The following AFAP1L2 variants were observed in gnomAD, a reference collection of about 807,000 sequenced individuals.
The protein encoded by AFAP1L2 is actin filament-associated protein 1-like 2.
AFAP1L2 carries 46 observed loss-of-function variants against 99.3 expected under a neutral mutation model. The observed-to-expected ratio is 0.46, with a 90% CI of 0.37 to 0.59. The LOEUF (loss-of-function observed/expected upper bound fraction) is 0.59. Ranked by LOEUF, AFAP1L2 falls within the 20% of genes least tolerant of loss-of-function variation. The pLI, the probability that AFAP1L2 is intolerant of heterozygous loss-of-function variation, is 0.00. For missense variants in AFAP1L2, 959 were observed against 1,034.9 expected (o/e 0.93, Z 1.01); for synonymous variants, 397 against 419.1 (o/e 0.95, Z 0.64).
rs777379032 is a variant in AFAP1L2 at position 114,297,084 on chromosome 10, G to A, written c.2324C>T (p.Pro775Leu). 1.2e-6 allele frequency: 2 copies of A among 1,614,234 alleles called. No homozygotes were observed. Among genetic ancestry groups the A allele is most frequent in the Non-Finnish European group, 1.7e-6 (2 of 1,180,040 alleles). Residue 775 changes from proline (P) to leucine (L), a missense_variant, in exon 18 of 19, where the codon CCT becomes CTT. Coordinates refer to ENST00000304129, the MANE Select transcript of AFAP1L2 (RefSeq NM_001001936.3). ...NVSPRPKAVTPASAPDCTPVN... is the reference protein window; with the variant it reads ...NVSPRPKAVTLASAPDCTPVN... ...TGGGGTACAGTCTGGGGCAGAGGCAGGTGTGACAGCTTTGGGCTGTGGTTA... is the reference window on the plus strand; with the variant it reads ...TGGGGTACAGTCTGGGGCAGAGGCAAGTGTGACAGCTTTGGGCTGTGGTTA...
At chr10:114,282,762 G>A in the AFAP1L2 span, among the ~76,000 whole-genome samples, 1 of 152,188 alleles carries the variant, frequency 6.6e-6, no homozygotes, top group South Asian at 2.1e-4. Flanking sequence ...ATTAAGAATG[G>A]AGTGGCGGCT....
At chr10:114,388,286 A>AACAC (rs57067006) in intron 1 of AFAP1L2, among the ~76,000 whole-genome samples, 39 of 150,194 alleles carry the variant, frequency 2.6e-4, no homozygotes, top group African/African-American at 7.1e-4. Flanking sequence ...AGCCCTCATG[A>AACAC]ACACACACAC....
chr10:114,386,867 G>C (rs566558779), intron 1 of AFAP1L2, among the ~76,000 whole-genome samples: 7 of 152,202 alleles, frequency 4.6e-5, no homozygotes, highest in Non-Finnish European at 8.8e-5. Context: ...TCCATGCTTC[G>C]CAAAATGAGG....
At chr10:114,379,192 GAC>G (rs2137313920) in intron 1 of AFAP1L2, among the ~76,000 whole-genome samples, 1 of 141,868 alleles carries the variant, frequency 7.0e-6, no homozygotes, top group South Asian at 2.6e-4. Context: ...CAGCCTGGAC[GAC>G]AGAGTGAGAC....
At chr10:114,323,439 GTT>G (rs1326546569) in intron 4 of AFAP1L2, among the ~76,000 whole-genome samples, 178 bp from the exon 5 acceptor site, 1 of 152,178 alleles carries the variant, frequency 6.6e-6, no homozygotes, top group Non-Finnish European at 1.5e-5. Flanking sequence ...AGTCCATAGT[GTT>G]TGGTCTGTAG....
At chr10:114,371,871 C>A (rs577257831) in intron 1 of AFAP1L2, among the ~76,000 whole-genome samples, 4 of 95,428 alleles carry the variant, frequency 4.2e-5, no homozygotes, top group South Asian at 3.3e-4. Flanking sequence ...GGGGGGGTGG[C>A]GGGGGAAAGT....
chr10:114,301,287 C>T, intron 13 of AFAP1L2, 67 bp downstream of exon 13: 2 of 1,310,618 alleles, frequency 1.5e-6, no homozygotes, highest in Non-Finnish European at 2.2e-6. Context: ...TCTCTGGCAT[C>T]CAGGTGTTGA....
At chr10:114,393,352 A>G (rs1479316986) in intron 1 of AFAP1L2, 4 of 151,878 alleles carry the variant, frequency 2.6e-5, no homozygotes, top group African/African-American at 7.3e-5. Flanking sequence ...CTGAGCCCAC[A>G]CTCTCGCCCT....
downstream of AFAP1L2, chr10:114,290,515 A>T: frequency 9.2e-7 from 1 of 1,086,672 alleles, no homozygotes; most frequent in East Asian, 2.6e-5. Flanking sequence ...TTTAGTGAGT[A>T]CCTCCTGCAT....
At chr10:114,302,627 G>T in intron 11 of AFAP1L2, 143 bp from the exon 12 acceptor site, 1 of 992,432 alleles carries the variant, frequency 1.0e-6, no homozygotes, top group Non-Finnish European at 1.5e-6. Context: ...TGCTTCTCCT[G>T]TTCACCAGCC....
downstream of AFAP1L2, chr10:114,290,498 C>A (rs1014320004): frequency 2.3e-6 from 3 of 1,302,662 alleles, no homozygotes; most frequent in Admixed American, 2.2e-5. Flanking sequence ...CGTTTACCCA[C>A]GAAACATTTA....
At chr10:114,379,249 C>G (rs2137319099) in intron 1 of AFAP1L2, among the ~76,000 whole-genome samples, 1 of 151,594 alleles carries the variant, frequency 6.6e-6, no homozygotes, top group Admixed American at 6.6e-5. Flanking sequence ...TTATCACTGG[C>G]CATCACTGAG....
Position 114,297,222 on chromosome 10 carries a change from G to T in AFAP1L2, c.2305C>A (p.Arg769Ser). 2.1e-6 allele frequency: 3 copies of T among 1,433,046 alleles called. No homozygotes were observed. The highest frequency in any genetic ancestry group is 2.8e-6 in the Non-Finnish European group (3 of 1,066,538). 88.8% of individuals were successfully genotyped at this position (1,433,046 alleles called of 1,614,324 possible). A position where few individuals can be genotyped will look rare whatever the true frequency, so the allele number is the denominator to read the frequency against. ...GAGGCCGCAGTTCCAGCACTCACGC[G>T]GGGGCTCACATTCTCCAGGTGGGTG... The part of the protein sequence containing the change: ...DTTHLENVSP[R>S]PKAVTPASAP... The change falls in exon 17 of 19, where the codon CGC becomes AGC. Residue 769 changes from arginine to serine, a missense_variant and splice_region_variant. Transcript: ENST00000304129.
chr10:114,385,514 T>C (rs1420492453), intron 1 of AFAP1L2, among the ~76,000 whole-genome samples: 1 of 152,152 alleles, frequency 6.6e-6, no homozygotes, highest in African/African-American at 2.4e-5. Flanking sequence ...GAGAGTCAGA[T>C]AGAGCTGGGT....
intron 10 of AFAP1L2, among the ~76,000 whole-genome samples, chr10:114,305,914 A>G (rs1226907042): frequency 1.8e-3 from 62 of 34,610 alleles, no homozygotes; most frequent in South Asian, 3.4e-3. Flanking sequence ...AGGAGGGGAC[A>G]CAGGTGCAGG....
intron 1 of AFAP1L2, among the ~76,000 whole-genome samples, chr10:114,365,018 A>T (rs1931666): frequency 0.24 from 36,550 of 152,198 alleles, 5,191 homozygotes; most frequent in Non-Finnish European, 0.31. Context: ...GTCCGGGGGC[A>T]TAAATGTGCT....
At chr10:114,288,235 C>G in the AFAP1L2 span, among the ~76,000 whole-genome samples, 1 of 152,210 alleles carries the variant, frequency 6.6e-6, no homozygotes. Context: ...GCTCTGACCC[C>G]TTCTCCCAGT....
At chr10:114,355,005 A>G (rs2051108059) in intron 1 of AFAP1L2, among the ~76,000 whole-genome samples, 1 of 152,224 alleles carries the variant, frequency 6.6e-6, no homozygotes, top group Non-Finnish European at 1.5e-5. Flanking sequence ...AAGGTCATAC[A>G]ATGGCCCCAT....
chr10:114,299,150 C>T, intron 16 of AFAP1L2, 110 bp downstream of exon 16: 1 of 1,361,988 alleles, frequency 7.3e-7, no homozygotes, highest in South Asian at 1.3e-5. Context: ...GTTGAAGGGG[C>T]CAGGGCCCAC....
Sources: allele counts gnomAD v4.1 joint callset (sites outside exome capture counted in the v4.1 genomes callset), GRCh38; gene constraint gnomAD v4.1.1; transcripts MANE v1.5; gene names NCBI Gene and HGNC (gene_info 2026-07-23, HGNC 2026-07-21).